The following CCM2 variants were observed in gnomAD, a reference collection of about 807,000 sequenced individuals.
CCM2 encodes cerebral cavernous malformations 2 protein.
A neutral mutation model predicts 44.9 loss-of-function variants in CCM2; 25 were observed. That is an observed-to-expected ratio of 0.56 (90% CI 0.41 to 0.78). The LOEUF (loss-of-function observed/expected upper bound fraction) is 0.78. CCM2 is among the 30% of genes least tolerant of loss of function. The probability of loss-of-function intolerance (pLI) is 0.00; values close to 1 mark genes in which losing one functional copy is unlikely to be tolerated. For synonymous variants in CCM2, 219 were observed against 241.1 expected (o/e 0.91, Z 0.85); for missense variants, 481 against 580.6 (o/e 0.83, Z 1.76).
intron 1 of CCM2, among the ~76,000 whole-genome samples, chr7:45,008,635 T>A (rs1477776671): frequency 6.6e-6 from 1 of 152,124 alleles, no homozygotes; most frequent in Admixed American, 6.5e-5. Context: ...GTACTGGGAT[T>A]ACAGGCGTGA....
chr7:45,042,662 A>G (rs923710922), intron 2 of CCM2, among the ~76,000 whole-genome samples: 4 of 152,196 alleles, frequency 2.6e-5, no homozygotes, highest in African/African-American at 4.8e-5. Flanking sequence ...ATAATGAGAG[A>G]ACACAAGCAA....
At position 45,035,398 on chromosome 7, in the gene CCM2, C is replaced by G. The variant is rs60945271; in HGVS notation, c.31-2855C>G. Among the ~76,000 whole-genome samples, 5,065 of 152,214 alleles carry G rather than the reference C, an allele frequency of 0.033. 644 individuals are homozygous for G. The East Asian group carries it at 0.43, about 13-fold the overall frequency. ...CTGAGGACCTTTAGTCATCCTTACT[C>G]CATGCTCTCCCCTACCACCGGATGT... On this transcript the variant is annotated intron_variant, in intron 1 of 9. Transcript: ENST00000258781.
chr7:45,041,342 AG>A (rs1311582937), intron 2 of CCM2, among the ~76,000 whole-genome samples: 15 of 152,218 alleles, frequency 9.9e-5, no homozygotes, highest in Admixed American at 2.6e-4. Flanking sequence ...CTGTTCTTCT[AG>A]TTAAGTGCAT....
rs1784220669 is a variant in CCM2 at position 45,075,924 on chromosome 7, A to G, written c.1202A>G (p.Asn401Ser). ...ALSTTSSSTT[N>S]GNRATGSSDD... ...AGCACCACATCCAGTTCCACCACCA[A>G]TGGGAACAGGGCCACGGGCAGCTCT... The change falls in exon 10 of 10, where the codon AAT becomes AGT. Residue 401 changes from asparagine (N) to serine (S), a missense_variant. Asn to Ser is a conservative substitution (Grantham distance 46, BLOSUM62 1). Coordinates refer to ENST00000258781, the MANE Select transcript of CCM2 (RefSeq NM_031443.4). The G allele has an allele frequency of 3.7e-6, 6 of 1,613,068 alleles. No homozygotes were observed. Among genetic ancestry groups the G allele is most frequent in the Admixed American group, 1.7e-5 (1 of 60,000 alleles).
intron 1 of CCM2, among the ~76,000 whole-genome samples, chr7:45,002,431 C>T (rs912058822): frequency 2.6e-5 from 4 of 151,888 alleles, no homozygotes; most frequent in African/African-American, 4.8e-5. Context: ...TAGCCAGGCG[C>T]GGCAGCGCTC....
At chr7:45,029,860 A>C (rs553109445) in intron 1 of CCM2, among the ~76,000 whole-genome samples, 8 of 152,372 alleles carry the variant, frequency 5.3e-5, no homozygotes, top group African/African-American at 1.9e-4. Flanking sequence ...ACTCAGAAGT[A>C]CATTTTAGGT....
chr7:45,059,418 T>TAA (rs55678662), intron 2 of CCM2, among the ~76,000 whole-genome samples: 2 of 131,540 alleles, frequency 1.5e-5, no homozygotes, highest in Non-Finnish European at 3.2e-5. Context: ...CCCTGTCTGT[T>TAA]AAAAAAAAAA....
chr7:45,075,363 G>A (rs10951794), intron 9 of CCM2, among the ~76,000 whole-genome samples: 34,232 of 152,264 alleles, frequency 0.22, 3,861 homozygotes, highest in Admixed American at 0.26. Flanking sequence ...CTGCCTCTGA[G>A]GACTGCACCC....
chr7:45,044,772 A>G lies in CCM2; in HGVS notation c.204+6346A>G, dbSNP rs539603229. 7.2e-5 allele frequency among the ~76,000 whole-genome samples: 11 copies of G among 152,304 alleles called. No individual in the cohort carries two copies. The South Asian group carries it at 1.9e-3, about 26-fold the overall frequency. On this transcript the variant is annotated intron_variant, in intron 2 of 9. Transcript: ENST00000258781. Reference sequence around the variant, plus strand: ...ACTATGGAGAATATAATTATTTCCAAATTTTCCTAGAACCATAATACTTTG... The same window carrying G: ...ACTATGGAGAATATAATTATTTCCAGATTTTCCTAGAACCATAATACTTTG...
chr7:45,054,912 A>G (rs936245279), intron 2 of CCM2, among the ~76,000 whole-genome samples: 5 of 152,172 alleles, frequency 3.3e-5, no homozygotes, highest in Admixed American at 3.3e-4. Context: ...AGGCATACAT[A>G]CCGTATCCTA....
intron 2 of CCM2, among the ~76,000 whole-genome samples, chr7:45,046,998 A>G (rs1797787553): frequency 6.6e-6 from 1 of 152,216 alleles, no homozygotes; most frequent in Non-Finnish European, 1.5e-5. Context: ...CCATCAGGGA[A>G]ATGCACATTA....
chr7:45,041,861 G>A (rs1334493384), intron 2 of CCM2, among the ~76,000 whole-genome samples: 7 of 152,170 alleles, frequency 4.6e-5, no homozygotes, highest in Admixed American at 4.6e-4. Flanking sequence ...TCCAACCAGG[G>A]AAGAATCAGT....
intron 2 of CCM2, among the ~76,000 whole-genome samples, chr7:45,046,166 C>T (rs972468368): frequency 6.6e-6 from 1 of 152,146 alleles, no homozygotes; most frequent in African/African-American, 2.4e-5. Flanking sequence ...TTCTACAATT[C>T]CTATCAAAAT....
intron 2 of CCM2, among the ~76,000 whole-genome samples, chr7:45,058,314 G>A (rs1562901150): frequency 6.6e-6 from 1 of 152,044 alleles, no homozygotes; most frequent in Admixed American, 6.6e-5. Context: ...TATGATGTTC[G>A]CTTTAGGGTG....
At chr7:45,061,620 C>T (rs575429700) in intron 2 of CCM2, among the ~76,000 whole-genome samples, 6 of 151,962 alleles carry the variant, frequency 3.9e-5, no homozygotes, top group Admixed American at 3.3e-4. Context: ...GGCACACTGC[C>T]GTGCCCAACT....
At chr7:45,064,830 G>C (rs532184920) in intron 4 of CCM2, among the ~76,000 whole-genome samples, 184 bp downstream of exon 4, 1 of 152,260 alleles carries the variant, frequency 6.6e-6, no homozygotes, top group African/African-American at 2.4e-5. Flanking sequence ...CAGACACTGG[G>C]GGTGACTGTC....
chr7:45,004,953 G>A (rs944506241), intron 1 of CCM2, among the ~76,000 whole-genome samples: 3 of 150,436 alleles, frequency 2.0e-5, no homozygotes, highest in African/African-American at 7.4e-5. Context: ...CTGAGAATGT[G>A]CCATTGCGCT....
At chr7:45,025,985 C>G (rs1032273947) in intron 1 of CCM2, among the ~76,000 whole-genome samples, 2 of 152,180 alleles carry the variant, frequency 1.3e-5, no homozygotes, top group Non-Finnish European at 2.9e-5. Context: ...GTGGGGATCA[C>G]TGTGTTTGTG....
At chr7:45,010,021 C>T (rs1166193037) in intron 1 of CCM2, among the ~76,000 whole-genome samples, 2 of 151,974 alleles carry the variant, frequency 1.3e-5, no homozygotes, top group Non-Finnish European at 2.9e-5. Context: ...GTGATCCTCC[C>T]GCCCCAGTCT....
Sources: allele counts gnomAD v4.1 joint callset (sites outside exome capture counted in the v4.1 genomes callset), GRCh38; gene constraint gnomAD v4.1.1; transcripts MANE v1.5; gene names NCBI Gene and HGNC (gene_info 2026-07-23, HGNC 2026-07-21).